SMURF1: variants seen among roughly 807,000 people sequenced by gnomAD.
The protein encoded by SMURF1 is E3 ubiquitin-protein ligase SMURF1.
A neutral mutation model predicts 98.0 loss-of-function variants in SMURF1; 44 were observed. The observed-to-expected ratio is 0.45, with a 90% CI of 0.35 to 0.58. SMURF1 has a LOEUF of 0.58. Ranked by LOEUF, SMURF1 falls within the 20% of genes least tolerant of loss-of-function variation. SMURF1 has a pLI of 0.00. For synonymous variants in SMURF1, 396 were observed against 374.9 expected, an observed-to-expected ratio of 1.06 and a Z score of -0.65; for missense variants, 687 against 938.4, an observed-to-expected ratio of 0.73 and a Z score of 3.50.
intron 8 of SMURF1, chr7:99,049,951 G>A (rs569798444): frequency 6.5e-5 from 25 of 385,216 alleles, no homozygotes; most frequent in African/African-American, 4.5e-4. Context: ...GGTAGCTCAC[G>A]CCTGTAATCC....
At chr7:99,077,458 G>A (rs995262738) in intron 1 of SMURF1, among the ~76,000 whole-genome samples, 1 of 151,146 alleles carries the variant, frequency 6.6e-6, no homozygotes, top group African/African-American at 2.4e-5. Context: ...TCAGCCTCTC[G>A]AGTAGCTGGG....
chr7:99,119,362 C>T (rs1205409157), intron 1 of SMURF1, among the ~76,000 whole-genome samples: 1 of 151,876 alleles, frequency 6.6e-6, no homozygotes, highest in East Asian at 1.9e-4. Flanking sequence ...CCTTCCCTCC[C>T]CACAAAGAAA....
intron 16 of SMURF1, among the ~76,000 whole-genome samples, chr7:99,035,235 C>CT (rs1450310704): frequency 6.6e-6 from 1 of 152,244 alleles, no homozygotes. Flanking sequence ...AAGGCCCCTG[C>CT]TGTCCAGACC....
At chr7:99,105,399 C>T (rs889714780) in intron 1 of SMURF1, among the ~76,000 whole-genome samples, 4 of 152,144 alleles carry the variant, frequency 2.6e-5, no homozygotes, top group East Asian at 1.9e-4. Flanking sequence ...ACACATTATA[C>T]CCAAACACAA....
At chr7:99,032,084 C>T (rs116299730) in intron 17 of SMURF1, among the ~76,000 whole-genome samples, 2,043 of 152,264 alleles carry the variant, frequency 0.013, 41 homozygotes, top group African/African-American at 0.047. Context: ...TAAAGTGAAG[C>T]CCAATACATC....
At chr7:99,032,792 A>T in intron 17 of SMURF1, 1 of 544,646 alleles carries the variant, frequency 1.8e-6, no homozygotes. Context: ...TTACATGGCC[A>T]GTAAAGCCGC....
In SMURF1 at chr7:99,060,652, TG is replaced by T; in HGVS notation, c.149del (p.Ser50Ter). On this transcript the variant is annotated frameshift_variant, in exon 3 of 18. Transcript: ENST00000361368. LOFTEE classifies it high-confidence loss of function. ...IVVDGSGQCH[S>X]TDTVKNTLDP... ...CCAATGTGTTTTTCACAGTGTCGGT[TG>T]AGTGGCACTGCCCAGACCCATCCAC... is the stretch of plus-strand genomic sequence containing the variant. The T allele has an allele frequency of 6.2e-7, 1 of 1,614,056 alleles. No individual in the cohort carries two copies. The highest frequency in any genetic ancestry group is 8.5e-7 in the Non-Finnish European group (1 of 1,179,994).
At position 99,077,890 on chromosome 7, in the gene SMURF1, A is replaced by G. The variant is rs190086523; in HGVS notation, c.56-16053T>C. Among the ~76,000 whole-genome samples, 4 of 152,354 alleles carry G rather than the reference A, an allele frequency of 2.6e-5. No homozygotes were observed. The South Asian group carries it at 6.2e-4, about 24-fold the overall frequency. On this transcript the variant is annotated intron_variant, in intron 1 of 17. Coordinates refer to ENST00000361368, the MANE Select transcript of SMURF1 (RefSeq NM_181349.3). ...CTCAGGGTAAAATTTTTCAAAAATT[A>G]ATTCACAAATAAAACAGCTTTTACA...
rs972951519 is a variant in SMURF1, at chr7:99,028,863, A to T, written c.*1721T>A. The T allele has an allele frequency of 6.6e-6, 1 of 152,266 alleles. No individual in the cohort carries two copies. Among genetic ancestry groups the T allele is most frequent in the Admixed American group, 6.5e-5 (1 of 15,290 alleles). The allele number at this position is 152,266 out of a possible 1,614,324, so 9.4% of individuals were successfully genotyped here. On this transcript the variant is annotated 3_prime_UTR_variant, in exon 18 of 18. Transcript: ENST00000361368. Reference sequence around the variant, plus strand: ...CTTCCTCACCTTCAAGAGGAAGATGATGCAAGGAAAGGCTGGATACAGCCA... The same window carrying T: ...CTTCCTCACCTTCAAGAGGAAGATGTTGCAAGGAAAGGCTGGATACAGCCA...
chr7:99,029,985 C>G lies in SMURF1; in HGVS notation c.*599G>C, dbSNP rs1030038441. 2 of 152,256 alleles carry G rather than the reference C, an allele frequency of 1.3e-5. No individual in the cohort carries two copies. Among genetic ancestry groups the G allele is most frequent in the Non-Finnish European group, 2.9e-5 (2 of 68,058 alleles). The allele number at this position is 152,256 out of a possible 1,614,324, so 9.4% of individuals were successfully genotyped here. A position where few individuals can be genotyped will look rare whatever the true frequency, so the allele number is the denominator to read the frequency against. On this transcript the variant is annotated 3_prime_UTR_variant, in exon 18 of 18. Transcript: ENST00000361368. ...ATTCCTTCTCCTTTCAAAGGGGAAACACATTTTGACTCAAGCTTCCTGCTG... is the reference window on the plus strand; with the variant it reads ...ATTCCTTCTCCTTTCAAAGGGGAAAGACATTTTGACTCAAGCTTCCTGCTG...
At chr7:99,111,198 C>A (rs980816379) in intron 1 of SMURF1, among the ~76,000 whole-genome samples, 1 of 151,964 alleles carries the variant, frequency 6.6e-6, no homozygotes, top group East Asian at 1.9e-4. Flanking sequence ...GTCAATGATA[C>A]AAAAAGGCAG....
At chr7:99,060,400 AAAAAG>A (rs1453517587) in intron 3 of SMURF1, among the ~76,000 whole-genome samples, 194 bp downstream of exon 3, 2 of 151,718 alleles carry the variant, frequency 1.3e-5, no homozygotes, top group East Asian at 3.8e-4. Flanking sequence ...AAAAAAAAGA[AAAAAG>A]AAAGTAACAA....
rs761556981 is a variant in SMURF1, at chr7:99,038,450, A to C, written c.1626T>G (p.His542Gln). 1 of 1,614,244 alleles carries C rather than the reference A, an allele frequency of 6.2e-7. No homozygotes were observed. Among genetic ancestry groups the C allele is most frequent in the Middle Eastern group, 1.7e-4 (1 of 6,060 alleles). The change falls in exon 14 of 18, where the codon CAT becomes CAG. Residue 542 changes from histidine to glutamine, a missense_variant. Around this residue, in one of 2 missense-constraint regions of SMURF1, gnomAD observed 272 missense variants for 430.0 expected, o/e 0.63. Transcript: ENST00000361368. The part of the protein sequence containing the change: ...EHNAFGRILQ[H>Q]ELKPNGRNVP... ...CATTTCTGCCATTGGGTTTCAGTTC[A>C]TGCTGCAGGATCCGCCCGAAGGCGT...
intron 16 of SMURF1, among the ~76,000 whole-genome samples, chr7:99,034,625 AG>A (rs975906315): frequency 6.6e-6 from 1 of 152,120 alleles, no homozygotes; most frequent in African/African-American, 2.4e-5. Flanking sequence ...TGAATGAGAA[AG>A]GCTTTGTAAA....
At chr7:99,063,565 T>C (rs535080612) in intron 1 of SMURF1, among the ~76,000 whole-genome samples, 1 of 151,128 alleles carries the variant, frequency 6.6e-6, no homozygotes, top group Admixed American at 6.6e-5. Flanking sequence ...GCTGGGATTA[T>C]AGGGATAGGC....
At chr7:99,058,063 G>A (rs2150535341) in intron 3 of SMURF1, among the ~76,000 whole-genome samples, 1 of 152,234 alleles carries the variant, frequency 6.6e-6, no homozygotes, top group South Asian at 2.1e-4. Context: ...TATGGAAGGG[G>A]CAAATGTAGA....
chr7:99,106,390 T>C (rs1235723261), intron 1 of SMURF1, among the ~76,000 whole-genome samples: 4 of 152,222 alleles, frequency 2.6e-5, no homozygotes, highest in African/African-American at 7.2e-5. Context: ...ACACTGTGGT[T>C]TGTGAAATTT....
At chr7:99,133,411 A>T (rs1328645586) in intron 1 of SMURF1, among the ~76,000 whole-genome samples, 1 of 152,134 alleles carries the variant, frequency 6.6e-6, no homozygotes, top group Non-Finnish European at 1.5e-5. Context: ...AAGGTCTCTA[A>T]GGCTGCCATT....
intron 1 of SMURF1, among the ~76,000 whole-genome samples, chr7:99,114,913 A>C (rs1797404469): frequency 1.3e-5 from 2 of 152,140 alleles, no homozygotes; most frequent in African/African-American, 4.8e-5. Flanking sequence ...AAAAAATGAC[A>C]AGAGAAATTA....
Sources: allele counts gnomAD v4.1 joint callset (sites outside exome capture counted in the v4.1 genomes callset), GRCh38; gene constraint gnomAD v4.1.1; regional missense constraint gnomAD v4.1.1; transcripts MANE v1.5; gene names NCBI Gene and HGNC (gene_info 2026-07-23, HGNC 2026-07-21).